NHSL1: variants seen among roughly 807,000 people sequenced by gnomAD.
NHSL1 encodes the protein NHS like 1, also known as NHS-like protein 1.
Under a neutral mutation model 95.0 loss-of-function variants are expected in NHSL1, and 48 were observed. The ratio of observed to expected loss-of-function variants is 0.51; its 90% CI spans 0.40 to 0.64. The LOEUF is 0.64. Among genes scored for constraint, NHSL1 ranks in the 30% least tolerant of loss-of-function variants. The pLI is 0.00. For missense variants in NHSL1, 1,971 were observed against 2,077.7 expected (o/e 0.95, Z 1.00); for synonymous variants, 783 against 833.9 (o/e 0.94, Z 1.05).
intron 1 of NHSL1, among the ~76,000 whole-genome samples, chr6:138,606,851 C>G (rs749705447): frequency 6.6e-6 from 1 of 151,818 alleles, no homozygotes; most frequent in Non-Finnish European, 1.5e-5. Context: ...TACAGGTACC[C>G]GCCACCGCAC....
intron 7 of NHSL1, among the ~76,000 whole-genome samples, chr6:138,426,845 A>G (rs1479466764): frequency 2.0e-5 from 3 of 152,234 alleles, no homozygotes; most frequent in Admixed American, 6.5e-5. Flanking sequence ...GGTCCCACTC[A>G]GTAGTTAACA....
chr6:138,566,621 C>T (rs1378444443), intron 1 of NHSL1, among the ~76,000 whole-genome samples: 3 of 150,456 alleles, frequency 2.0e-5, no homozygotes, highest in Admixed American at 6.6e-5. Context: ...ATTTAAATGC[C>T]TCTTCTCAAA....
intron 1 of NHSL1, among the ~76,000 whole-genome samples, chr6:138,676,902 G>A (rs990022231): frequency 6.6e-6 from 1 of 152,110 alleles, no homozygotes; most frequent in African/African-American, 2.4e-5. Context: ...TGATCCACCC[G>A]CCTCAGCCCC....
At chr6:138,464,400 T>G in intron 3 of NHSL1, 1 of 410,222 alleles carries the variant, frequency 2.4e-6, no homozygotes, top group Non-Finnish European at 4.5e-6. Context: ...TGAAGACAGG[T>G]CAGGGCAGGA....
chr6:138,430,430 G>A lies in NHSL1; in HGVS notation c.3915C>T (p.Gly1305=), dbSNP rs1260156099. 3 of 1,503,442 alleles carry A rather than the reference G, an allele frequency of 2.0e-6. No homozygotes were observed. The highest frequency in any genetic ancestry group is 1.3e-5 in the South Asian group (1 of 76,756). The allele number at this position is 1,503,442 out of a possible 1,614,324, so 93.1% of individuals were successfully genotyped here. Residue 1305 remains glycine (G), a synonymous_variant, in exon 6 of 8, where the codon GGC becomes GGT. Transcript: ENST00000343505. The surrounding 1 kb of genome is among the most constrained non-coding windows in gnomAD (Gnocchi z 4.7). The part of the protein sequence containing the change: ...EPAENSADTG[G]DGESCLSQQD... Reference sequence around the variant, plus strand: ...GTTGAGATAGGCAGCTCTCCCCATCGCCCCCAGTATCCGCACTGTTCTCGG... The same window carrying A: ...GTTGAGATAGGCAGCTCTCCCCATCACCCCCAGTATCCGCACTGTTCTCGG...
At chr6:138,569,479 T>C (rs1197794802) in intron 1 of NHSL1, among the ~76,000 whole-genome samples, 1 of 152,194 alleles carries the variant, frequency 6.6e-6, no homozygotes, top group Non-Finnish European at 1.5e-5. Context: ...ATCAGACCAA[T>C]GTGTCTCCCA....
chr6:138,543,087 G>A (rs1476123039), intron 1 of NHSL1, among the ~76,000 whole-genome samples: 1 of 152,196 alleles, frequency 6.6e-6, no homozygotes, highest in Non-Finnish European at 1.5e-5. Context: ...AGAATAATCT[G>A]TGAATGGTAC....
chr6:138,609,536 G>A (rs1160192351), intron 1 of NHSL1, among the ~76,000 whole-genome samples: 1 of 152,082 alleles, frequency 6.6e-6, no homozygotes, highest in African/African-American at 2.4e-5. Context: ...GGATCACGAG[G>A]TCAAGAGCTC....
rs112006545 is a variant in NHSL1 at position 138,430,126 on chromosome 6, T to C, written c.3952+267A>G. Among the ~76,000 whole-genome samples, 580 of 152,300 alleles carry C rather than the reference T, an allele frequency of 3.8e-3. 5 individuals are homozygous for C. The highest frequency in any genetic ancestry group is 0.014 in the African/African-American group (563 of 41,554). On this transcript the variant is annotated intron_variant, in intron 6 of 7. Transcript: ENST00000343505. This position sits in a 1 kb window ranked among gnomAD's most constrained non-coding sequence, Gnocchi z 4.7. ...CTCTTCGGAAGGGAGGTGTTACCCA[T>C]TGCTATTTAATACCCAGCCTGCTGC...
At chr6:138,527,156 A>T (rs1406813304) in intron 1 of NHSL1, among the ~76,000 whole-genome samples, 2 of 152,082 alleles carry the variant, frequency 1.3e-5, no homozygotes, top group African/African-American at 4.8e-5. Flanking sequence ...TATCCTATTG[A>T]CATATGAGGT....
intron 1 of NHSL1, among the ~76,000 whole-genome samples, chr6:138,531,163 T>C (rs1782117178): frequency 6.6e-6 from 1 of 152,146 alleles, no homozygotes; most frequent in Admixed American, 6.5e-5. Context: ...ACCCAGTCTA[T>C]GGTACTTTGT....
At chr6:138,553,059 C>T (rs551949513) in intron 1 of NHSL1, among the ~76,000 whole-genome samples, 1 of 152,164 alleles carries the variant, frequency 6.6e-6, no homozygotes, top group East Asian at 1.9e-4. Context: ...ACCATCCTTT[C>T]CCTCCAGAGG....
intron 1 of NHSL1, among the ~76,000 whole-genome samples, chr6:138,647,515 G>A (rs1295111461): frequency 1.3e-5 from 2 of 152,042 alleles, no homozygotes; most frequent in African/African-American, 2.4e-5. Context: ...TCAACCTACA[G>A]AGGCATTTTG....
Position 138,447,101 on chromosome 6 carries a change from C to T in NHSL1, c.432G>A (p.Gln144=). Residue 144 remains glutamine, a synonymous_variant, in exon 4 of 8, where the codon CAG becomes CAA. Transcript: ENST00000343505. ...GTGGAAGCGACTTGGTCCAGTTCGT[C>T]TGAGTATTAAGGTCGGAGAAGTCAC... The part of the protein sequence containing the change: ...ASSDFSDLNT[Q]TNWTKSLPLP... 1.9e-6 allele frequency: 3 copies of T among 1,551,794 alleles called. No homozygotes were observed. Among genetic ancestry groups the T allele is most frequent in the Non-Finnish European group, 2.6e-6 (3 of 1,147,018 alleles).
intron 1 of NHSL1, among the ~76,000 whole-genome samples, chr6:138,663,382 G>A (rs564757300): frequency 5.3e-5 from 8 of 151,904 alleles, no homozygotes; most frequent in African/African-American, 1.9e-4. Flanking sequence ...TCAACATGGA[G>A]AAACCCTGTC....
chr6:138,562,258 G>T (rs1210349379), intron 1 of NHSL1, among the ~76,000 whole-genome samples: 1 of 152,152 alleles, frequency 6.6e-6, no homozygotes, highest in Admixed American at 6.5e-5. Context: ...AGTTCACAAC[G>T]CTAGAAAAAG....
chr6:138,432,523 A>G lies in NHSL1; in HGVS notation c.1822T>C (p.Cys608Arg), dbSNP rs1337109273. The G allele has an allele frequency of 5.8e-6, 9 of 1,552,218 alleles. No homozygotes were observed. The South Asian group carries it at 7.1e-5, about 12-fold the overall frequency. ...SLYSEDHDGYCASVHTDSGHG... is the reference protein window; with the variant it reads ...SLYSEDHDGYRASVHTDSGHG... ...CCAGAGTCAGTGTGCACAGATGCAC[A>G]GTAGCCATCGTGGTCCTCAGAATAC... The change falls in exon 6 of 8, where the codon TGT (cysteine) becomes CGT (arginine). Residue 608 changes from cysteine to arginine, a missense_variant. By Grantham distance (180) the Cys-to-Arg change is radical. Transcript: ENST00000343505. The surrounding 1 kb of genome is among the most constrained non-coding windows in gnomAD (Gnocchi z 4.4).
intron 1 of NHSL1, among the ~76,000 whole-genome samples, chr6:138,627,212 A>T (rs1484370012): frequency 1.3e-5 from 2 of 152,216 alleles, no homozygotes; most frequent in Non-Finnish European, 2.9e-5. Context: ...TAAATTCTCA[A>T]GCTACCTACC....
chr6:138,692,907 G>A (rs923525997), upstream of NHSL1, among the ~76,000 whole-genome samples: 90 of 151,186 alleles, frequency 6.0e-4, no homozygotes, highest in South Asian at 1.9e-3. This position sits in a 1 kb window ranked among gnomAD's most constrained non-coding sequence, Gnocchi z 4.0. Context: ...CAGGGGAGAG[G>A]CCGGGCGGGC....
Sources: gnomAD v4.1 joint callset for allele counts (sites outside exome capture counted in the v4.1 genomes callset) on GRCh38, gnomAD v4.1.1 for gene constraint, Gnocchi (gnomAD v3.1) non-coding constraint, MANE v1.5 for transcripts, NCBI Gene and HGNC (gene_info 2026-07-23, HGNC 2026-07-21) for gene names.